CCDC73: variants seen among roughly 807,000 people sequenced by gnomAD.
CCDC73 encodes the protein coiled-coil domain containing 73, also known as coiled-coil domain-containing protein 73.
In CCDC73, 95 loss-of-function variants were observed where a neutral mutation model predicts 116.5. That is an observed-to-expected ratio of 0.82 (90% CI 0.69 to 0.97). The LOEUF is 0.97. CCDC73 is among the 50% of genes least tolerant of loss of function. The pLI is 0.00. For missense variants in CCDC73, 1,066 were observed against 1,206.8 expected, an observed-to-expected ratio of 0.88 and a Z score of 1.73; for synonymous variants, 398 against 401.3, an observed-to-expected ratio of 0.99 and a Z score of 0.10.
chr11:32,628,054 T>A (rs964321439), intron 14 of CCDC73, among the ~76,000 whole-genome samples: 53 of 152,336 alleles, frequency 3.5e-4, no homozygotes, highest in Admixed American at 2.8e-3. Context: ...TATTGTATGA[T>A]CTTTAAAATT....
At chr11:32,700,173 TTATC>T (rs1849799978) in intron 5 of CCDC73, among the ~76,000 whole-genome samples, 1 of 151,966 alleles carries the variant, frequency 6.6e-6, no homozygotes, top group Non-Finnish European at 1.5e-5. Context: ...CAGGTGGTAT[TTATC>T]TAATGAATAT....
At position 32,772,185 on chromosome 11, in the gene CCDC73, T is replaced by G. The variant is rs146319377; in HGVS notation, c.-15-11927A>C. ...CTATGCAGCCACAGATTCAATATTT[T>G]TAGTTTAATTTTTTTTATTCTGCTC... On this transcript the variant is annotated intron_variant, in intron 1 of 17. Coordinates refer to ENST00000335185, the MANE Select transcript of CCDC73 (RefSeq NM_001008391.4). Among the ~76,000 whole-genome samples the G allele has an allele frequency of 3.6e-3, 541 of 152,330 alleles. 6 individuals are homozygous for G. The highest frequency in any genetic ancestry group is 0.013 in the African/African-American group (521 of 41,580).
intron 12 of CCDC73, among the ~76,000 whole-genome samples, chr11:32,648,574 G>T (rs1289396714): frequency 6.7e-6 from 1 of 149,296 alleles, no homozygotes; most frequent in African/African-American, 2.5e-5. Flanking sequence ...TTTTTGAGAC[G>T]GAGTTTCACT....
At chr11:32,742,401 G>A (rs559905309) in intron 2 of CCDC73, among the ~76,000 whole-genome samples, 1 of 152,312 alleles carries the variant, frequency 6.6e-6, no homozygotes, top group Admixed American at 6.5e-5. Context: ...TTTCTCTAAT[G>A]ACCAGCAATG....
chr11:32,613,453 A>G lies in CCDC73; in HGVS notation c.2865T>C (p.Gly955=), dbSNP rs562028928. The G allele has an allele frequency of 1.2e-6, 2 of 1,613,630 alleles. No individual in the cohort carries two copies. Among genetic ancestry groups the G allele is most frequent in the East Asian group, 2.2e-5 (1 of 44,874 alleles). Residue 955 remains glycine, a synonymous_variant, in exon 16 of 18, where the codon GGT becomes GGC. Coordinates refer to ENST00000335185, the MANE Select transcript of CCDC73 (RefSeq NM_001008391.4). ...IISMALCKNI[G]VDDVGKDIGP... ...CAATATCCTTTCCAACATCATCCAC[A>G]CCAATATTTTTACAAAGAGCCATTG...
chr11:32,623,458 G>A (rs1221566551), intron 14 of CCDC73, among the ~76,000 whole-genome samples: 1 of 152,130 alleles, frequency 6.6e-6, no homozygotes, highest in African/African-American at 2.4e-5. Context: ...CCAGGTTCAA[G>A]TGCTCCTCTT....
At chr11:32,735,759 A>G (rs1192330763) in intron 2 of CCDC73, among the ~76,000 whole-genome samples, 1 of 152,224 alleles carries the variant, frequency 6.6e-6, no homozygotes, top group Non-Finnish European at 1.5e-5. Flanking sequence ...ACTTCAAACT[A>G]TACTACATGG....
At chr11:32,647,903 C>G (rs1419918852) in intron 12 of CCDC73, among the ~76,000 whole-genome samples, 1 of 151,684 alleles carries the variant, frequency 6.6e-6, no homozygotes, top group Non-Finnish European at 1.5e-5. Flanking sequence ...TAGTTAATTT[C>G]AAACTACCAT....
chr11:32,639,002 G>C (rs962181038), intron 13 of CCDC73, among the ~76,000 whole-genome samples: 1 of 151,460 alleles, frequency 6.6e-6, no homozygotes, highest in Non-Finnish European at 1.5e-5. Context: ...CAAAAAGTTA[G>C]CCGGGCATGG....
intron 1 of CCDC73, among the ~76,000 whole-genome samples, chr11:32,771,924 G>A (rs973461132): frequency 6.6e-6 from 1 of 152,144 alleles, no homozygotes; most frequent in Non-Finnish European, 1.5e-5. Context: ...CTCTGAACCT[G>A]CCATGCCATG....
intron 9 of CCDC73, 124 bp from the exon 10 acceptor site, chr11:32,655,096 A>ATTAACGTGTATTTTCCCT (rs57068465): frequency 1.9e-6 from 1 of 515,598 alleles, no homozygotes; most frequent in African/African-American, 2.2e-5. Context: ...ATTCCCTTGC[A>ATTAACGTGTATTTTCCCT]AGTTCCCTTG....
intron 2 of CCDC73, among the ~76,000 whole-genome samples, chr11:32,737,114 A>T (rs1035534939): frequency 6.6e-6 from 1 of 151,604 alleles, no homozygotes; most frequent in Non-Finnish European, 1.5e-5. Flanking sequence ...GCAACAAAAT[A>T]TTCTTCATAT....
chr11:32,822,209 C>T, the CCDC73 span, among the ~76,000 whole-genome samples: 28 of 152,232 alleles, frequency 1.8e-4, no homozygotes, highest in African/African-American at 6.3e-4. Context: ...TCTCTTCTAC[C>T]ATAGTTCAGC....
At chr11:32,626,551 G>A (rs1855575856) in intron 14 of CCDC73, among the ~76,000 whole-genome samples, 1 of 152,178 alleles carries the variant, frequency 6.6e-6, no homozygotes, top group South Asian at 2.1e-4. Flanking sequence ...ACAGGTGGAG[G>A]CATCACGCTA....
At chr11:32,665,353 G>A (rs1386568344) in intron 9 of CCDC73, among the ~76,000 whole-genome samples, 1 of 152,114 alleles carries the variant, frequency 6.6e-6, no homozygotes, top group Admixed American at 6.5e-5. Context: ...TGTATTGGGT[G>A]CATATATATT....
At chr11:32,795,032 A>G (rs1163701385), upstream of CCDC73, among the ~76,000 whole-genome samples, 1 of 152,146 alleles carries the variant, frequency 6.6e-6, no homozygotes, top group African/African-American at 2.4e-5. Context: ...GAAAGATGAA[A>G]GAAAAATGAG....
chr11:32,620,801 G>A (rs1030155853), intron 14 of CCDC73, among the ~76,000 whole-genome samples: 2 of 151,902 alleles, frequency 1.3e-5, no homozygotes, highest in Admixed American at 1.3e-4. Flanking sequence ...ACTTTGTGAG[G>A]CTGTTTTGTC....
At chr11:32,618,558 T>C (rs1855494541) in intron 14 of CCDC73, among the ~76,000 whole-genome samples, 1 of 152,166 alleles carries the variant, frequency 6.6e-6, no homozygotes, top group East Asian at 1.9e-4. Flanking sequence ...TTTTTATTTA[T>C]TATTATTTTT....
At chr11:32,667,464 G>T (rs541461750) in intron 9 of CCDC73, among the ~76,000 whole-genome samples, 15 of 152,328 alleles carry the variant, frequency 9.8e-5, no homozygotes, top group South Asian at 4.1e-4. Flanking sequence ...GTCCAAGCCA[G>T]GCACAGGATA....
Sources: gnomAD v4.1 joint callset for allele counts (sites outside exome capture counted in the v4.1 genomes callset) on GRCh38, gnomAD v4.1.1 for gene constraint, MANE v1.5 for transcripts, NCBI Gene and HGNC (gene_info 2026-07-23, HGNC 2026-07-21) for gene names.